FRMD4B: variants seen among roughly 807,000 people sequenced by gnomAD.
FRMD4B encodes the protein FERM domain-containing protein 4B.
A neutral mutation model predicts 141.5 loss-of-function variants in FRMD4B; 74 were observed. That is an observed-to-expected ratio of 0.52 (90% CI 0.43 to 0.63). The LOEUF (loss-of-function observed/expected upper bound fraction) is 0.63, where lower values mean the gene tolerates loss of function less well. FRMD4B is among the 30% of genes least tolerant of loss of function. The probability of loss-of-function intolerance (pLI) is 0.00; values close to 1 mark genes in which losing one functional copy is unlikely to be tolerated. For missense variants in FRMD4B, 1,366 were observed against 1,253.4 expected (o/e 1.09, Z -1.36); for synonymous variants, 506 against 467.9 (o/e 1.08, Z -1.05).
In FRMD4B at chr3:69,365,014, T is replaced by C. The variant is rs1285444783; in HGVS notation, c.162+20814A>G. 3.9e-5 allele frequency among the ~76,000 whole-genome samples: 6 copies of C among 152,188 alleles called. No individual in the cohort carries two copies. The South Asian group carries it at 6.2e-4, about 16-fold the overall frequency. On this transcript the variant is annotated intron_variant, in intron 1 of 22. Coordinates refer to ENST00000398540, the MANE Select transcript of FRMD4B (RefSeq NM_015123.3). The stretch of plus-strand genomic sequence containing the variant: ...AACCACAATATGAAACCGAATAGTA[T>C]AGTGATTATAAAAAGCAATAACTAT...
intron 1 of FRMD4B, among the ~76,000 whole-genome samples, chr3:69,470,868 T>C (rs1705876692): frequency 6.6e-6 from 1 of 152,226 alleles, no homozygotes; most frequent in Admixed American, 6.5e-5. Context: ...CAACATTTTA[T>C]GTAAGCACTT....
At position 69,289,816 on chromosome 3, in the gene FRMD4B, A is replaced by C. The variant is rs1452560248; in HGVS notation, c.417-1980T>G. Among the ~76,000 whole-genome samples, 3 of 151,800 alleles carry C rather than the reference A, an allele frequency of 2.0e-5. No individual in the cohort carries two copies. In the South Asian group the frequency reaches 6.4e-4, roughly 32 times the overall value. ...CTCTGTCTCAAAAATAAAACAAAAC[A>C]AAAAAAACCCAAAAAACAACGTATA... On this transcript the variant is annotated intron_variant, in intron 4 of 22. Coordinates refer to ENST00000398540, the MANE Select transcript of FRMD4B (RefSeq NM_015123.3).
intron 7 of FRMD4B, among the ~76,000 whole-genome samples, chr3:69,241,819 C>T (rs1179394666): frequency 6.6e-6 from 1 of 151,856 alleles, no homozygotes; most frequent in Non-Finnish European, 1.5e-5. Flanking sequence ...CAGTGAGCTG[C>T]GATTGCACCA....
At chr3:69,406,551 A>C (rs914598421) in intron 2 of FRMD4B, among the ~76,000 whole-genome samples, 1 of 151,290 alleles carries the variant, frequency 6.6e-6, no homozygotes, top group African/African-American at 2.5e-5. Flanking sequence ...TGGGGAAACA[A>C]GTGAGAAACT....
intron 1 of FRMD4B, among the ~76,000 whole-genome samples, chr3:69,501,620 C>T (rs1207784191): frequency 1.3e-5 from 2 of 152,158 alleles, no homozygotes; most frequent in Non-Finnish European, 2.9e-5. Context: ...ACAACTGGCA[C>T]AAGACAGGGA....
chr3:69,411,472 T>C (rs924209661), intron 2 of FRMD4B, among the ~76,000 whole-genome samples: 1 of 152,202 alleles, frequency 6.6e-6, no homozygotes, highest in East Asian at 1.9e-4. Flanking sequence ...GCTGACAGCA[T>C]TGAGTTTCTG....
rs1185152077 is a variant in FRMD4B, at chr3:69,202,479, TAAAA to T, written c.877-3709_877-3706del. ...GCCAAAATTTTCACTATTAGAGACTTAAAAAAAAAAAAAAAAAGAGGAGCTTTAT... is the reference window on the plus strand; with the variant it reads ...GCCAAAATTTTCACTATTAGAGACTTAAAAAAAAAAAAAGAGGAGCTTTAT... On this transcript the variant is annotated intron_variant, in intron 11 of 22. Coordinates refer to ENST00000398540, the MANE Select transcript of FRMD4B (RefSeq NM_015123.3). Among the ~76,000 whole-genome samples the T allele has an allele frequency of 7.1e-5, 9 of 127,010 alleles. No individual in the cohort carries two copies. In the East Asian group the frequency reaches 1.8e-3, roughly 25 times the overall value. 83.3% of individuals were successfully genotyped at this position (127,010 alleles called of 152,430 possible). A position where few individuals can be genotyped will look rare whatever the true frequency, so the allele number is the denominator to read the frequency against.
At chr3:69,233,942 T>C (rs144523497) in intron 7 of FRMD4B, among the ~76,000 whole-genome samples, 39 of 152,250 alleles carry the variant, frequency 2.6e-4, no homozygotes, top group African/African-American at 8.2e-4. Context: ...TTAGTGATCA[T>C]AGCAGCTACA....
chr3:69,193,759 T>C lies in FRMD4B; in HGVS notation c.1603A>G (p.Lys535Glu). ...DLCKTVKKKRKQDYTDAMKKL... is the reference protein window; with the variant it reads ...DLCKTVKKKREQDYTDAMKKL... ...TTCATCGCATCTGTGTAATCTTGCT[T>C]TCGCTTTTTCTTCACAGTTTTACAA... is the stretch of plus-strand genomic sequence containing the variant. Residue 535 changes from lysine (K) to glutamate (E), a missense_variant, in exon 17 of 23, where the codon AAG becomes GAG. Transcript: ENST00000398540. 6.2e-7 allele frequency: 1 copy of C among 1,613,694 alleles called. No homozygotes were observed. Among genetic ancestry groups the C allele is most frequent in the Non-Finnish European group, 8.5e-7 (1 of 1,179,574 alleles).
chr3:69,259,561 T>C (rs572460227), intron 5 of FRMD4B, among the ~76,000 whole-genome samples: 1 of 152,332 alleles, frequency 6.6e-6, no homozygotes, highest in South Asian at 2.1e-4. Context: ...CATATGTCTG[T>C]TTTTAGATTC....
chr3:69,506,567 G>A (rs189459618), intron 1 of FRMD4B, among the ~76,000 whole-genome samples: 3 of 150,938 alleles, frequency 2.0e-5, no homozygotes, highest in East Asian at 3.9e-4. Context: ...ACAGGATCTC[G>A]TTTTACCACC....
chr3:69,237,783 T>G (rs2093355187), intron 7 of FRMD4B, among the ~76,000 whole-genome samples: 1 of 152,234 alleles, frequency 6.6e-6, no homozygotes, highest in Non-Finnish European at 1.5e-5. Flanking sequence ...CAGGCTAGAG[T>G]GCAGTGGCGC....
intron 1 of FRMD4B, among the ~76,000 whole-genome samples, chr3:69,540,013 T>C (rs1247860856): frequency 6.6e-6 from 1 of 151,766 alleles, no homozygotes; most frequent in African/African-American, 2.4e-5. Flanking sequence ...ACCAACATGG[T>C]GAAACCCGGT....
chr3:69,465,671 G>T (rs1575812036), intron 1 of FRMD4B, among the ~76,000 whole-genome samples: 1 of 152,032 alleles, frequency 6.6e-6, no homozygotes, highest in East Asian at 1.9e-4. Flanking sequence ...ATAGTTTACT[G>T]AGAATGATGG....
chr3:69,352,736 G>T (rs1191972330), intron 1 of FRMD4B, among the ~76,000 whole-genome samples: 1 of 152,134 alleles, frequency 6.6e-6, no homozygotes, highest in Non-Finnish European at 1.5e-5. Flanking sequence ...ATTGGAAGCC[G>T]TCCCCAAAAA....
At chr3:69,333,113 T>C (rs1426950760) in intron 1 of FRMD4B, among the ~76,000 whole-genome samples, 2 of 152,130 alleles carry the variant, frequency 1.3e-5, no homozygotes, top group African/African-American at 4.8e-5. Flanking sequence ...GCTCCATCGT[T>C]ATGGTCTTGG....
At chr3:69,237,998 C>T (rs113526367) in intron 7 of FRMD4B, among the ~76,000 whole-genome samples, 5,988 of 152,284 alleles carry the variant, frequency 0.039, 407 homozygotes, top group African/African-American at 0.14. Flanking sequence ...TCCTAAAGTG[C>T]CAGGATTACA....
intron 11 of FRMD4B, among the ~76,000 whole-genome samples, chr3:69,208,565 G>A (rs73097705): frequency 6.6e-6 from 1 of 150,886 alleles, no homozygotes; most frequent in Admixed American, 6.6e-5. Flanking sequence ...ATGAGAACAA[G>A]CCATACTGTT....
chr3:69,298,694 T>C (rs1157671189), intron 4 of FRMD4B, among the ~76,000 whole-genome samples: 1 of 152,208 alleles, frequency 6.6e-6, no homozygotes, highest in Non-Finnish European at 1.5e-5. Context: ...GAAATGGGCC[T>C]GGGTCCTGGG....
Sources: allele counts gnomAD v4.1 joint callset (sites outside exome capture counted in the v4.1 genomes callset), GRCh38; gene constraint gnomAD v4.1.1; transcripts MANE v1.5; gene names NCBI Gene and HGNC (gene_info 2026-07-23, HGNC 2026-07-21).